Variants in RIGI observed in about 807,000 individuals in gnomAD.
RIGI encodes RNA sensor RIG-I, also known as antiviral innate immune response receptor RIG-I.
At chr9:32,502,503 T>C in the RIGI span, among the ~76,000 whole-genome samples, 1 of 152,218 alleles carries the variant, frequency 6.6e-6, no homozygotes, top group African/African-American at 2.4e-5. Context: ...TTTCCACACA[T>C]CCTTGACAGT....
the RIGI span, among the ~76,000 whole-genome samples, chr9:32,499,630 AT>A: frequency 2.0e-5 from 3 of 151,788 alleles, no homozygotes; most frequent in East Asian, 5.8e-4. Context: ...TAATTTTTGT[AT>A]TTTTAGTAAA....
the RIGI span, among the ~76,000 whole-genome samples, chr9:32,483,943 C>A: frequency 6.6e-6 from 1 of 152,084 alleles, no homozygotes; most frequent in Non-Finnish European, 1.5e-5. Context: ...TTGGTCTTAC[C>A]ATCAGACTAG....
At chr9:32,524,571 CTCA>C in the RIGI span, among the ~76,000 whole-genome samples, 1 of 130,792 alleles carries the variant, frequency 7.6e-6, no homozygotes, top group African/African-American at 2.9e-5. Flanking sequence ...CAGGCCCCCT[CTCA>C]TCGACTTTTT....
At chr9:32,492,336 C>A in the RIGI span, 2 of 1,597,196 alleles carry the variant, frequency 1.3e-6, no homozygotes, top group Non-Finnish European at 8.6e-7. Flanking sequence ...ATGTAAAAGA[C>A]CGGTTGGAAT....
the RIGI span, chr9:32,485,529 TTC>T: frequency 1.2e-5 from 6 of 485,216 alleles, no homozygotes; most frequent in East Asian, 5.0e-5. Context: ...TCTAACTAGC[TTC>T]TTTTTTTTTT....
chr9:32,473,286 C>CT, the RIGI span, among the ~76,000 whole-genome samples: 61,640 of 122,444 alleles, frequency 0.5, 17,017 homozygotes, highest in Middle Eastern at 0.61. Context: ...ATCTCTAAGA[C>CT]TTTTTTTTTT....
chr9:32,476,939 A>G, the RIGI span: 1 of 1,496,552 alleles, frequency 6.7e-7, no homozygotes, highest in Non-Finnish European at 9.2e-7. Context: ...TTCAATGAAT[A>G]GTGCTGGGTC....
the RIGI span, among the ~76,000 whole-genome samples, chr9:32,476,302 T>C: frequency 1.3e-5 from 2 of 152,022 alleles, no homozygotes; most frequent in Non-Finnish European, 2.9e-5. Context: ...TCAAGACCAG[T>C]CTAGGCAACA....
At chr9:32,491,757 A>T in the RIGI span, among the ~76,000 whole-genome samples, 130 of 150,398 alleles carry the variant, frequency 8.6e-4, 1 homozygote, top group African/African-American at 3.1e-3. Context: ...GCAGACATTC[A>T]TGTCTTCCTT....
At chr9:32,470,685 A>C in the RIGI span, among the ~76,000 whole-genome samples, 1 of 152,220 alleles carries the variant, frequency 6.6e-6, no homozygotes, top group African/African-American at 2.4e-5. Context: ...TTCTTCATGA[A>C]ACAGGAAATT....
the RIGI span, chr9:32,467,710 T>A: frequency 8.8e-3 from 13,246 of 1,496,948 alleles, 454 homozygotes; most frequent in African/African-American, 0.084. Context: ...CATACACTTA[T>A]AAATCAGTCA....
chr9:32,462,694 C>T, the RIGI span, among the ~76,000 whole-genome samples: 1 of 152,048 alleles, frequency 6.6e-6, no homozygotes, highest in Non-Finnish European at 1.5e-5. Context: ...CAGGTGTAAG[C>T]CACCACACCC....
chr9:32,511,296 CCACAT>C, the RIGI span, among the ~76,000 whole-genome samples: 1 of 148,262 alleles, frequency 6.7e-6, no homozygotes, highest in South Asian at 2.1e-4. Context: ...CTTCTCAGCA[CCACAT>C]CATACTTATT....
the RIGI span, among the ~76,000 whole-genome samples, chr9:32,497,012 C>G: frequency 1.2e-4 from 18 of 152,114 alleles, no homozygotes; most frequent in African/African-American, 3.1e-4. Flanking sequence ...TCTTCATTAT[C>G]AAAATTTTAC....
At chr9:32,503,097 G>C in the RIGI span, among the ~76,000 whole-genome samples, 1 of 152,088 alleles carries the variant, frequency 6.6e-6, no homozygotes, top group African/African-American at 2.4e-5. Flanking sequence ...GTATTCCATT[G>C]AGTCAGTTCA....
the RIGI span, among the ~76,000 whole-genome samples, chr9:32,521,152 A>AAAAAAAC: frequency 1.3e-5 from 2 of 150,416 alleles, no homozygotes; most frequent in African/African-American, 4.9e-5. Context: ...AAAAAAAAAA[A>AAAAAAAC]AAAAAAAAAA....
the RIGI span, among the ~76,000 whole-genome samples, chr9:32,457,720 C>T: frequency 6.6e-6 from 1 of 152,178 alleles, no homozygotes; most frequent in African/African-American, 2.4e-5. Context: ...ACTCATTATT[C>T]AAAAACAGAA....
At chr9:32,458,887 G>T in the RIGI span, among the ~76,000 whole-genome samples, 3 of 103,894 alleles carry the variant, frequency 2.9e-5, no homozygotes, top group African/African-American at 2.9e-5. Flanking sequence ...CATTTAGCAT[G>T]ACTTTTTTTT....
At chr9:32,512,821 C>G in the RIGI span, among the ~76,000 whole-genome samples, 2 of 151,980 alleles carry the variant, frequency 1.3e-5, no homozygotes, top group African/African-American at 4.8e-5. Flanking sequence ...CTAGAAAACC[C>G]CATCATCTCA....
Sources: gnomAD v4.1 joint callset for allele counts (sites outside exome capture counted in the v4.1 genomes callset) on GRCh38, gnomAD v4.1.1 for gene constraint, MANE v1.5 for transcripts, NCBI Gene and HGNC (gene_info 2026-07-23, HGNC 2026-07-21) for gene names.